Variants in NPAS3 observed in about 807,000 individuals in gnomAD.
The protein encoded by NPAS3 is neuronal PAS domain protein 3, also known as neuronal PAS domain-containing protein 3.
NPAS3 carries 14 observed loss-of-function variants against 73.1 expected under a neutral mutation model. The observed-to-expected ratio is 0.19, with a 90% CI of 0.13 to 0.30. NPAS3 has a LOEUF of 0.30. Among genes scored for constraint, NPAS3 ranks in the 10% least tolerant of loss-of-function variants. NPAS3 has a pLI of 1.00. For missense variants in NPAS3, 1,096 were observed against 1,250.0 expected, an observed-to-expected ratio of 0.88 and a Z score of 1.86; for synonymous variants, 620 against 541.5, an observed-to-expected ratio of 1.14 and a Z score of -2.01.
At chr14:33,009,589 T>C (rs988178268) in intron 1 of NPAS3, among the ~76,000 whole-genome samples, 2 of 152,190 alleles carry the variant, frequency 1.3e-5, no homozygotes, top group African/African-American at 2.4e-5. Flanking sequence ...GTAGCATAAA[T>C]AGTGGTAGTA....
chr14:33,215,698 A>G, intron 3 of NPAS3: 1 of 649,814 alleles, frequency 1.5e-6, no homozygotes, highest in Non-Finnish European at 2.7e-6. Flanking sequence ...ACACATTAAA[A>G]TGCTTCTTGG....
intron 4 of NPAS3, among the ~76,000 whole-genome samples, chr14:33,386,265 A>G (rs983689251): frequency 6.6e-6 from 1 of 152,190 alleles, no homozygotes; most frequent in Non-Finnish European, 1.5e-5. Context: ...ACACAAGTCT[A>G]TGAACTATGA....
At position 33,632,023 on chromosome 14, in the gene NPAS3, A is replaced by G. The variant is rs192105038; in HGVS notation, c.559-44188A>G. On this transcript the variant is annotated intron_variant, in intron 5 of 11. Coordinates refer to ENST00000356141, the Ensembl canonical transcript of NPAS3. ...GTCGAATATGATCTGAGACCTTGGC[A>G]TAGACATTATCTCTTATGACGATTT... Among the ~76,000 whole-genome samples the G allele has an allele frequency of 1.5e-3, 224 of 152,342 alleles. 1 individual carries two copies. Among genetic ancestry groups the G allele is most frequent in the Non-Finnish European group, 2.5e-3 (170 of 68,034 alleles).
intron 1 of NPAS3, among the ~76,000 whole-genome samples, chr14:32,966,971 C>T (rs996323681): frequency 1.3e-5 from 2 of 152,016 alleles, no homozygotes; most frequent in Admixed American, 6.6e-5. Flanking sequence ...AGGAAACAAT[C>T]GACAGAGTGA....
intron 3 of NPAS3, among the ~76,000 whole-genome samples, chr14:33,279,297 T>C (rs182101254): frequency 2.0e-5 from 3 of 152,324 alleles, no homozygotes; most frequent in Admixed American, 2.0e-4. Flanking sequence ...CTATTTCATT[T>C]AATAATGTAT....
At chr14:33,122,696 C>G (rs991376621) in intron 2 of NPAS3, among the ~76,000 whole-genome samples, 2 of 151,974 alleles carry the variant, frequency 1.3e-5, no homozygotes, top group African/African-American at 4.8e-5. Context: ...TGTTTAATTG[C>G]CTACAGGTTT....
At chr14:33,452,049 A>G (rs2049814139) in intron 4 of NPAS3, among the ~76,000 whole-genome samples, 1 of 152,232 alleles carries the variant, frequency 6.6e-6, no homozygotes, top group African/African-American at 2.4e-5. Flanking sequence ...GTGTTACAAA[A>G]GCAATTTGTC....
chr14:33,347,254 G>A (rs1333448916), intron 3 of NPAS3, among the ~76,000 whole-genome samples: 4 of 152,158 alleles, frequency 2.6e-5, no homozygotes, highest in African/African-American at 9.7e-5. Flanking sequence ...TTCTAATGGG[G>A]TTATTTGTAT....
At chr14:33,467,177 C>A (rs768334632) in intron 4 of NPAS3, among the ~76,000 whole-genome samples, 1 of 152,172 alleles carries the variant, frequency 6.6e-6, no homozygotes. Flanking sequence ...TGTGTGCATG[C>A]CCTCAGCAGC....
intron 4 of NPAS3, among the ~76,000 whole-genome samples, chr14:33,368,098 T>C (rs754946223): frequency 5.3e-5 from 8 of 152,056 alleles, no homozygotes; most frequent in Non-Finnish European, 1.2e-4. Context: ...TTGGGATATG[T>C]AGGCCGCTTA....
intron 1 of NPAS3, among the ~76,000 whole-genome samples, chr14:32,977,356 G>GCACGCACGCACACACA (rs71432100): frequency 2.8e-5 from 4 of 141,448 alleles, no homozygotes; most frequent in East Asian, 4.2e-4. Context: ...TCTCTGACAC[G>GCACGCACGCACACACA]CACACACACA....
intron 2 of NPAS3, among the ~76,000 whole-genome samples, chr14:33,077,774 G>GTTTTTTTTTTTTTTTT (rs3057435): frequency 0.021 from 1,852 of 87,136 alleles, 249 homozygotes; most frequent in Middle Eastern, 0.044. Context: ...TGCAGTAAGG[G>GTTTTTTTTTTTTTTTT]TTTTTTTTTT....
intron 6 of NPAS3, among the ~76,000 whole-genome samples, chr14:33,707,057 TG>T (rs1291370154): frequency 1.3e-5 from 2 of 152,174 alleles, no homozygotes; most frequent in Non-Finnish European, 2.9e-5. Flanking sequence ...AGTGTAAGCT[TG>T]GGGGAGAGAT....
chr14:33,753,341 T>G (rs976724897), intron 7 of NPAS3, among the ~76,000 whole-genome samples: 4 of 140,838 alleles, frequency 2.8e-5, no homozygotes, highest in African/African-American at 9.1e-5. Context: ...ATGCTTAAGA[T>G]GATTCTGTTA....
intron 4 of NPAS3, among the ~76,000 whole-genome samples, chr14:33,545,930 A>G (rs569874295): frequency 7.2e-5 from 11 of 152,340 alleles, no homozygotes; most frequent in African/African-American, 2.6e-4. Context: ...TGAAAGCCAC[A>G]GAATGTGCTC....
intron 1 of NPAS3, among the ~76,000 whole-genome samples, chr14:33,049,474 C>G (rs1372319530): frequency 6.6e-6 from 1 of 152,180 alleles, no homozygotes; most frequent in African/African-American, 2.4e-5. Context: ...CAAGGAGGAG[C>G]AAGTCACATC....
intron 1 of NPAS3, among the ~76,000 whole-genome samples, chr14:33,003,217 G>T (rs1953439): frequency 0.16 from 24,438 of 151,576 alleles, 3,685 homozygotes; most frequent in African/African-American, 0.39. Context: ...TAATGGAATG[G>T]AAGCTCAATT....
chr14:33,747,739 A>C (rs2061847801), intron 7 of NPAS3, among the ~76,000 whole-genome samples: 1 of 152,204 alleles, frequency 6.6e-6, no homozygotes, highest in Admixed American at 6.5e-5. Context: ...ATGGAAACAA[A>C]AGTTATCCCT....
At chr14:33,178,947 A>AT (rs898702360) in intron 2 of NPAS3, among the ~76,000 whole-genome samples, 6 of 152,202 alleles carry the variant, frequency 3.9e-5, no homozygotes, top group African/African-American at 1.4e-4. Context: ...CTAGCTGCAC[A>AT]TTTTTTGCAA....
Sources: allele counts gnomAD v4.1 joint callset (sites outside exome capture counted in the v4.1 genomes callset), GRCh38; gene constraint gnomAD v4.1.1; transcripts MANE v1.5; gene names NCBI Gene and HGNC (gene_info 2026-07-23, HGNC 2026-07-21).